The following UQCRB variants were observed in gnomAD, a reference collection of about 807,000 sequenced individuals.
UQCRB encodes cytochrome b-c1 complex subunit 7.
Under a neutral mutation model 19.8 loss-of-function variants are expected in UQCRB, and 12 were observed. That is an observed-to-expected ratio of 0.61 (90% CI 0.39 to 0.98). The LOEUF (loss-of-function observed/expected upper bound fraction) is 0.98, where lower values mean the gene tolerates loss of function less well. UQCRB is among the 50% of genes least tolerant of loss of function. UQCRB has a pLI of 0.00. For synonymous variants in UQCRB, 39 were observed against 42.9 expected (o/e 0.91, Z 0.35); for missense variants, 142 against 131.8 (o/e 1.08, Z -0.38).
rs1809474485 is a variant in UQCRB at position 96,223,179 on chromosome 8, C to T, written c.*7876G>A. 6.6e-6 allele frequency among the ~76,000 whole-genome samples: 1 copy of T among 151,420 alleles called. No homozygotes were observed. On this transcript the variant is annotated 3_prime_UTR_variant, in exon 4 of 4. Coordinates refer to ENST00000287022, the MANE Select transcript of UQCRB (RefSeq NM_006294.5). The stretch of plus-strand genomic sequence containing the variant: ...GCTGAAAGTGTAGATTTTAGGTGCT[C>T]ACCAGACACACATACACAAAGTACT...
Position 96,231,846 on chromosome 8 carries a change from G to A in UQCRB, c.186C>T (p.Arg62=), listed in dbSNP as rs772220316. 7.4e-6 allele frequency: 12 copies of A among 1,614,118 alleles called. No individual in the cohort carries two copies. The highest frequency in any genetic ancestry group is 9.3e-6 in the Non-Finnish European group (11 of 1,180,024). Residue 62 remains arginine (R), a synonymous_variant, in exon 3 of 4, where the codon CGC becomes CGT. Transcript: ENST00000287022. ...PENLYNDRMF[R]IKRALDLNLK... The stretch of plus-strand genomic sequence containing the variant: ...AGTTCAGGTCCAGTGCCCTCTTAAT[G>A]CGAAACATCCTGTCATTATAAAGGT...
chr8:96,234,099 G>C (rs1401060425), intron 1 of UQCRB: 1 of 157,680 alleles, frequency 6.3e-6, no homozygotes, highest in Non-Finnish European at 1.4e-5. Context: ...TTTGTCTAGG[G>C]TTAGCCCTTA....
intron 1 of UQCRB, chr8:96,234,819 G>T (rs925543890): frequency 5.8e-6 from 1 of 173,458 alleles, no homozygotes; most frequent in African/African-American, 2.5e-5. Context: ...AACTTGTACC[G>T]CCAGAGGGCA....
chr8:96,231,245 G>C (rs769249627), intron 3 of UQCRB, 113 bp from the exon 4 acceptor site: 1 of 1,602,264 alleles, frequency 6.2e-7, no homozygotes, highest in Non-Finnish European at 8.5e-7. Flanking sequence ...TCCAATTTTA[G>C]AAAACATATT....
At position 96,224,133 on chromosome 8, in the gene UQCRB, T is replaced by A. The variant is rs1423638671; in HGVS notation, c.*6922A>T. Reference sequence around the variant, plus strand: ...CAGCCCAGTTCTGTGTGAGTCAGAGTCCTGGCAGGAAAGTGTGGCACACCC... The same window carrying A: ...CAGCCCAGTTCTGTGTGAGTCAGAGACCTGGCAGGAAAGTGTGGCACACCC... On this transcript the variant is annotated 3_prime_UTR_variant, in exon 4 of 4. Coordinates refer to ENST00000287022, the MANE Select transcript of UQCRB (RefSeq NM_006294.5). Among the ~76,000 whole-genome samples the A allele has an allele frequency of 6.6e-6, 1 of 151,986 alleles. No homozygotes were observed. The highest frequency in any genetic ancestry group is 1.5e-5 in the Non-Finnish European group (1 of 67,994).
At chr8:96,231,964 T>A in intron 2 of UQCRB, 24 bp from the exon 3 acceptor site, 2 of 1,610,966 alleles carry the variant, frequency 1.2e-6, no homozygotes, top group Non-Finnish European at 1.7e-6. Context: ...CAAAGTTAGA[T>A]TGCACATGCA....
At chr8:96,233,468 G>T (rs750549285) in intron 1 of UQCRB, 1 of 472,504 alleles carries the variant, frequency 2.1e-6, no homozygotes, top group East Asian at 3.8e-5. Context: ...AGCAAAAGTG[G>T]TTGCAGGAAA....
chr8:96,227,040 A>G lies in UQCRB; in HGVS notation c.*4015T>C, dbSNP rs767414986. On this transcript the variant is annotated 3_prime_UTR_variant, in exon 4 of 4. Coordinates refer to ENST00000287022, the MANE Select transcript of UQCRB (RefSeq NM_006294.5). ...ATGAACGCCAGTATAACCAGAATGT[A>G]AACAAATTATGGCATATAAATTAAA... 6.6e-6 allele frequency: 3 copies of G among 453,764 alleles called. No homozygotes were observed. Among genetic ancestry groups the G allele is most frequent in the Non-Finnish European group, 1.3e-5 (3 of 226,744 alleles). The allele number at this position is 453,764 out of a possible 1,614,324, so 28.1% of individuals were successfully genotyped here.
In UQCRB at chr8:96,226,890, C is replaced by T. The variant is rs78131437; in HGVS notation, c.*4165G>A. 14 of 453,746 alleles carry T rather than the reference C, an allele frequency of 3.1e-5. No homozygotes were observed. Among genetic ancestry groups the T allele is most frequent in the African/African-American group, 2.8e-4 (14 of 50,052 alleles). 28.1% of individuals were successfully genotyped at this position (453,746 alleles called of 1,614,324 possible). On this transcript the variant is annotated 3_prime_UTR_variant, in exon 4 of 4. Coordinates refer to ENST00000287022, the MANE Select transcript of UQCRB (RefSeq NM_006294.5). ...TGACATCTATGCTAAAAATTAACCA[C>T]CGTATAATGATTCAGTTCTTCTTTC...
rs1467865443 is a variant in UQCRB, at chr8:96,227,755, T to C, written c.*3300A>G. 1 of 453,658 alleles carries C rather than the reference T, an allele frequency of 2.2e-6. No individual in the cohort carries two copies. Among genetic ancestry groups the C allele is most frequent in the Non-Finnish European group, 4.4e-6 (1 of 226,666 alleles). 28.1% of individuals were successfully genotyped at this position (453,658 alleles called of 1,614,324 possible). On this transcript the variant is annotated 3_prime_UTR_variant, in exon 4 of 4. Coordinates refer to ENST00000287022, the MANE Select transcript of UQCRB (RefSeq NM_006294.5). ...GTTTTTATTCTTACTGCTGAATCTT[T>C]TCATAAGTCAAAATTAGTGCAGAGT...
intron 3 of UQCRB, 168 bp from the exon 4 acceptor site, chr8:96,231,300 T>G (rs1223564591): frequency 6.4e-7 from 1 of 1,553,794 alleles, no homozygotes; most frequent in Non-Finnish European, 8.7e-7. Context: ...AAATCTGTGG[T>G]GATGGTGTGA....
rs759193533 is a variant in UQCRB, at chr8:96,230,048, G to A, written c.*1007C>T. ...CACCTCTACCAAAGAAAGCATTTCA[G>A]AATTTAGGAGTGGAAATGATGACAA... is the stretch of plus-strand genomic sequence containing the variant. On this transcript the variant is annotated 3_prime_UTR_variant, in exon 4 of 4. Coordinates refer to ENST00000287022, the MANE Select transcript of UQCRB (RefSeq NM_006294.5). 2.2e-6 allele frequency: 1 copy of A among 454,046 alleles called. No homozygotes were observed. Among genetic ancestry groups the A allele is most frequent in the Non-Finnish European group, 4.4e-6 (1 of 226,774 alleles). 28.1% of individuals were successfully genotyped at this position (454,046 alleles called of 1,614,324 possible).
rs180850946 is a variant in UQCRB at position 96,224,329 on chromosome 8, G to A, written c.*6726C>T. 2.2e-4 allele frequency among the ~76,000 whole-genome samples: 34 copies of A among 152,308 alleles called. No individual in the cohort carries two copies. The highest frequency in any genetic ancestry group is 2.4e-5 in the African/African-American group (1 of 41,570). ...GAGCTGTAGCTTTCTTCAGAGGAAC[G>A]TGGGCTGGGGAATAAATATCTCTGT... On this transcript the variant is annotated 3_prime_UTR_variant, in exon 4 of 4. Transcript: ENST00000287022.
rs1282796506 is a variant in UQCRB, at chr8:96,229,707, T to C, written c.*1348A>G. The C allele has an allele frequency of 4.5e-6, 2 of 449,000 alleles. No homozygotes were observed. The highest frequency in any genetic ancestry group is 2.1e-5 in the African/African-American group (1 of 48,570). The allele number at this position is 449,000 out of a possible 1,614,324, so 27.8% of individuals were successfully genotyped here. On this transcript the variant is annotated 3_prime_UTR_variant, in exon 4 of 4. Transcript: ENST00000287022. The stretch of plus-strand genomic sequence containing the variant: ...CAAGTGATCTAGTTGTCTTCAACCA[T>C]ACAAAAGAAAATTGACATGATTTCA...
rs961313863 is a variant in UQCRB, at chr8:96,227,020, C to T, written c.*4035G>A. 42 of 453,808 alleles carry T rather than the reference C, an allele frequency of 9.3e-5. No individual in the cohort carries two copies. Among genetic ancestry groups the T allele is most frequent in the African/African-American group, 3.4e-4 (17 of 50,044 alleles). 28.1% of individuals were successfully genotyped at this position (453,808 alleles called of 1,614,324 possible). The stretch of plus-strand genomic sequence containing the variant: ...AACATGTTATGGCTTTTAATATGAA[C>T]GCCAGTATAACCAGAATGTAAACAA... On this transcript the variant is annotated 3_prime_UTR_variant, in exon 4 of 4. Coordinates refer to ENST00000287022, the MANE Select transcript of UQCRB (RefSeq NM_006294.5).
In UQCRB at chr8:96,229,254, G is replaced by A. The variant is rs1371605693; in HGVS notation, c.*1801C>T. On this transcript the variant is annotated 3_prime_UTR_variant, in exon 4 of 4. Transcript: ENST00000287022. ...TACCACACTTTACCTTGAGCAGGTG[G>A]ATAGCCTGGGGGTTCCTGTTATACC... 4.4e-6 allele frequency: 2 copies of A among 454,130 alleles called. No homozygotes were observed. The highest frequency in any genetic ancestry group is 4.7e-5 in the Admixed American group (2 of 42,574). The allele number at this position is 454,130 out of a possible 1,614,324, so 28.1% of individuals were successfully genotyped here. A position where few individuals can be genotyped will look rare whatever the true frequency, so the allele number is the denominator to read the frequency against.
rs748395635 is a variant in UQCRB, at chr8:96,231,502, G to A, written c.258+272C>T. ...TAAGTAGGAAGCAGAGTGCAGAGCT[G>A]GAACAGCAAAGACCTGGGAGGCAAC... On this transcript the variant is annotated intron_variant, in intron 3 of 3. Coordinates refer to ENST00000287022, the MANE Select transcript of UQCRB (RefSeq NM_006294.5). 71 of 1,532,990 alleles carry A rather than the reference G, an allele frequency of 4.6e-5. No individual in the cohort carries two copies. In the Admixed American group the frequency reaches 8.8e-4, roughly 19 times the overall value. 95.0% of individuals were successfully genotyped at this position (1,532,990 alleles called of 1,614,324 possible).
At position 96,226,742 on chromosome 8, in the gene UQCRB, C is replaced by A. The variant is rs984540689; in HGVS notation, c.*4313G>T. On this transcript the variant is annotated 3_prime_UTR_variant, in exon 4 of 4. Transcript: ENST00000287022. ...ATTTTTACATTTATGCAAAAATAGG[C>A]ACATGTATTCAAACAAAAAGTTCAA... is the stretch of plus-strand genomic sequence containing the variant. The A allele has an allele frequency of 5.3e-6, 2 of 379,234 alleles. No homozygotes were observed. The highest frequency in any genetic ancestry group is 2.0e-5 in the South Asian group (1 of 50,578). 23.5% of individuals were successfully genotyped at this position (379,234 alleles called of 1,614,324 possible).
intron 3 of UQCRB, chr8:96,231,455 T>C (rs1413855267): frequency 1.2e-5 from 19 of 1,535,358 alleles, no homozygotes; most frequent in Middle Eastern, 1.7e-4. Flanking sequence ...GGAGGGACAC[T>C]CAATGGGCTG....
Sources: gnomAD v4.1 joint callset for allele counts (sites outside exome capture counted in the v4.1 genomes callset) on GRCh38, gnomAD v4.1.1 for gene constraint, MANE v1.5 for transcripts, NCBI Gene and HGNC (gene_info 2026-07-23, HGNC 2026-07-21) for gene names.